ABHD16A: variants seen among roughly 807,000 people sequenced by gnomAD.
The protein encoded by ABHD16A is abhydrolase domain containing 16A, phospholipase, also known as phosphatidylserine lipase ABHD16A.
In ABHD16A, 47 loss-of-function variants were observed where a neutral mutation model predicts 89.8. The ratio of observed to expected loss-of-function variants is 0.52; its 90% CI spans 0.41 to 0.67. The LOEUF (loss-of-function observed/expected upper bound fraction) is 0.67. ABHD16A is among the 30% of genes least tolerant of loss of function. ABHD16A has a pLI of 0.00. For missense variants in ABHD16A, 580 were observed against 734.6 expected (o/e 0.79, Z 2.43); for synonymous variants, 251 against 280.4 (o/e 0.90, Z 1.05).
rs777024322 is a variant in ABHD16A, at chr6:31,689,131, G to A, written c.1082-12C>T. On this transcript the variant is annotated splice_polypyrimidine_tract_variant and intron_variant, in intron 12 of 19. Transcript: ENST00000395952. The stretch of plus-strand genomic sequence containing the variant: ...GGCTGCCCACGTGGCTGGTACCAGG[G>A]CAGGGAAGAAGAGTAAGAACTGAGA... 6 of 1,610,616 alleles carry A rather than the reference G, an allele frequency of 3.7e-6. No homozygotes were observed. Among genetic ancestry groups the A allele is most frequent in the African/African-American group, 1.3e-5 (1 of 74,786 alleles).
intron 4 of ABHD16A, among the ~76,000 whole-genome samples, chr6:31,697,462 C>A (rs186090629): frequency 0.012 from 1,795 of 152,288 alleles, 23 homozygotes; most frequent in Non-Finnish European, 0.018. Flanking sequence ...TATATTCTAG[C>A]CCCTTGCCAT....
At position 31,703,247 on chromosome 6, in the gene ABHD16A, C is replaced by CG. The variant is rs1232645257; in HGVS notation, c.34dup (p.Arg12ProfsTer12). 1.4e-6 allele frequency: 2 copies of CG among 1,423,964 alleles called. No homozygotes were observed. Among genetic ancestry groups the CG allele is most frequent in the African/African-American group, 1.5e-5 (1 of 67,496 alleles). 88.2% of individuals were successfully genotyped at this position (1,423,964 alleles called of 1,614,324 possible). On this transcript the variant is annotated frameshift_variant, in exon 1 of 20. Transcript: ENST00000395952. LOFTEE classifies it high-confidence loss of function. ...CCTCTCCCGGTAGATTTTGTAGAGC[C>CG]GGGGGCCTAGGACGCAGCTCAGCAG...
chr6:31,702,514 A>T, intron 1 of ABHD16A: 1 of 1,127,170 alleles, frequency 8.9e-7, no homozygotes. Flanking sequence ...AGAGTAGTTG[A>T]CTAAGAAGAG....
At position 31,688,409 on chromosome 6, in the gene ABHD16A, A is replaced by C. The variant is rs1035435264; in HGVS notation, c.1251-104T>G. On this transcript the variant is annotated intron_variant, in intron 14 of 19. Transcript: ENST00000395952. The surrounding 1 kb of genome is among the most constrained non-coding windows in gnomAD (Gnocchi z 4.9). ...GTAGCATTCTTACCCTCCCCTTGCT[A>C]TAGCACAGCCCTTGACCTAGCCCTT... 1 of 1,209,988 alleles carries C rather than the reference A, an allele frequency of 8.3e-7. No individual in the cohort carries two copies. Among genetic ancestry groups the C allele is most frequent in the African/African-American group, 1.5e-5 (1 of 66,742 alleles). The allele number at this position is 1,209,988 out of a possible 1,614,324, so 75.0% of individuals were successfully genotyped here.
In ABHD16A at chr6:31,697,012, G is replaced by C. The variant is rs749371040; in HGVS notation, c.365C>G (p.Pro122Arg). 6 of 1,613,086 alleles carry C rather than the reference G, an allele frequency of 3.7e-6. No homozygotes were observed. The highest frequency in any genetic ancestry group is 5.1e-6 in the Non-Finnish European group (6 of 1,180,014). The stretch of plus-strand genomic sequence containing the variant: ...GATGGTGATGAACTGCCGGTACTGG[G>C]GGTTGGTCCAGCGGCCAATGCCTGG... ...CLRGIGRWTN[P>R]QYRQFITILE... Residue 122 changes from proline (P) to arginine (R), a missense_variant, in exon 5 of 20, where the codon CCC (proline) becomes CGC (arginine). Pro to Arg is a moderately radical substitution (Grantham distance 103). This residue lies in a region of ABHD16A where 165 missense variants were observed against 165.8 expected (regional missense o/e 1.00). Coordinates refer to ENST00000395952, the MANE Select transcript of ABHD16A (RefSeq NM_021160.3).
At position 31,693,548 on chromosome 6, in the gene ABHD16A, C is replaced by A; in HGVS notation, c.430-116G>T. On this transcript the variant is annotated intron_variant, in intron 5 of 19. Coordinates refer to ENST00000395952, the MANE Select transcript of ABHD16A (RefSeq NM_021160.3). The surrounding 1 kb of genome is among the most constrained non-coding windows in gnomAD (Gnocchi z 5.0). ...TGATCCCCACACATCATGGGGAAAC[C>A]AAGCGGAGGTCAATACCCTCCCAAT... is the stretch of plus-strand genomic sequence containing the variant. 1 of 955,460 alleles carries A rather than the reference C, an allele frequency of 1.0e-6. No individual in the cohort carries two copies. The highest frequency in any genetic ancestry group is 2.1e-5 in the Admixed American group (1 of 47,404). The allele number at this position is 955,460 out of a possible 1,614,324, so 59.2% of individuals were successfully genotyped here.
intron 1 of ABHD16A, 22 bp from the exon 2 acceptor site, chr6:31,702,152 T>A (rs778891338): frequency 3.7e-6 from 6 of 1,612,608 alleles, no homozygotes; most frequent in Non-Finnish European, 4.2e-6. Flanking sequence ...GATGGCCTCC[T>A]TAAGGACCCT....
At chr6:31,689,792 C>A in intron 11 of ABHD16A, 88 bp from the exon 12 acceptor site, 3 of 1,516,194 alleles carry the variant, frequency 2.0e-6, no homozygotes, top group South Asian at 1.3e-5. Flanking sequence ...CCTGCAGCCA[C>A]CTATGACAGG....
intron 5 of ABHD16A, among the ~76,000 whole-genome samples, chr6:31,694,589 C>T (rs1375347678): frequency 2.0e-5 from 3 of 151,984 alleles, no homozygotes; most frequent in Non-Finnish European, 4.4e-5. Flanking sequence ...GATGGGGTTT[C>T]ACCATGTTAG....
chr6:31,689,698 G>A lies in ABHD16A; in HGVS notation c.964C>T (p.Pro322Ser), dbSNP rs1183486990. 2.5e-6 allele frequency: 4 copies of A among 1,609,540 alleles called. No homozygotes were observed. The South Asian group carries it at 4.4e-5, about 18-fold the overall frequency. The change falls in exon 12 of 20, where the codon CCA becomes TCA. Residue 322 changes from proline (P) to serine (S), a missense_variant. Pro to Ser is a moderately conservative substitution (Grantham distance 74). Coordinates refer to ENST00000395952, the MANE Select transcript of ABHD16A (RefSeq NM_021160.3). ...GCATTAGCCTCATTCTGCGGGAATG[G>A]CACCCCCTGCAGGAGAAAGGGCAAA... is the stretch of plus-strand genomic sequence containing the variant. Reference protein sequence around the residue: ...HPGFAGSTGVPFPQNEANAMD... With the variant: ...HPGFAGSTGVSFPQNEANAMD...
chr6:31,688,186 T>A lies in ABHD16A; in HGVS notation c.1307+63A>T, dbSNP rs917371008. On this transcript the variant is annotated intron_variant, in intron 15 of 19. Transcript: ENST00000395952. This position sits in a 1 kb window ranked among gnomAD's most constrained non-coding sequence, Gnocchi z 4.9. ...TACCCAGGTTTCTGGTGGGCAGAGG[T>A]AGAAGGGACAAGTTCCTGGCCATCT... is the stretch of plus-strand genomic sequence containing the variant. 13 of 1,606,758 alleles carry A rather than the reference T, an allele frequency of 8.1e-6. No homozygotes were observed. The South Asian group carries it at 1.3e-4, about 16-fold the overall frequency.
intron 12 of ABHD16A, 133 bp from the exon 13 acceptor site, chr6:31,689,252 T>A: frequency 1.2e-6 from 1 of 857,856 alleles, no homozygotes; most frequent in Non-Finnish European, 1.8e-6. Context: ...TTTCTTAACC[T>A]ACTTCACTTG....
At chr6:31,702,758 G>C (rs1436823140) in intron 1 of ABHD16A, 2 of 1,513,656 alleles carry the variant, frequency 1.3e-6, no homozygotes, top group Non-Finnish European at 1.8e-6. Flanking sequence ...AAACAGAGCC[G>C]GGGGAGGCAT....
At chr6:31,691,509 ATTGGGGTC>A in intron 9 of ABHD16A, 62 bp downstream of exon 9, 1 of 1,437,236 alleles carries the variant, frequency 7.0e-7, no homozygotes, top group Non-Finnish European at 9.7e-7. Context: ...GTGCTATAGC[ATTGGGGTC>A]CCCAGACCTC....
At chr6:31,697,783 C>T (rs867968248) in intron 4 of ABHD16A, among the ~76,000 whole-genome samples, 1 of 152,228 alleles carries the variant, frequency 6.6e-6, no homozygotes, top group African/African-American at 2.4e-5. Context: ...CAAACCCTAA[C>T]TTCTCTCCTC....
chr6:31,689,024 C>G lies in ABHD16A; in HGVS notation c.1177G>C (p.Asp393His). The G allele has an allele frequency of 6.2e-7, 1 of 1,613,496 alleles. No homozygotes were observed. Among genetic ancestry groups the G allele is most frequent in the Non-Finnish European group, 8.5e-7 (1 of 1,179,674 alleles). The change falls in exon 13 of 20, where the codon GAC (aspartate) becomes CAC (histidine). Residue 393 changes from aspartate to histidine, a missense_variant. Around this residue, in one of 2 missense-constraint regions of ABHD16A, gnomAD observed 415 missense variants for 568.8 expected, o/e 0.73. Coordinates refer to ENST00000395952, the MANE Select transcript of ABHD16A (RefSeq NM_021160.3). ...LVPLALKVMP[D>H]SWRGLVTRTV... ...TGGGAGCTGCACTCACTCCAGCTGT[C>G]TGGCATGACCTTCAAGGCCAAGGGC...
intron 4 of ABHD16A, 124 bp downstream of exon 4, chr6:31,700,818 C>G: frequency 5.3e-6 from 4 of 759,496 alleles, no homozygotes; most frequent in Non-Finnish European, 6.7e-6. Context: ...AAGATCATGC[C>G]TTAAACCATT....
At position 31,694,387 on chromosome 6, in the gene ABHD16A, C is replaced by CTTTTTTTTTTTTT. The variant is rs1190272819; in HGVS notation, c.430-968_430-956dup. ...TTTTTGACGGCAGTGGGAGCTGTGT[C>CTTTTTTTTTTTTT]TTTTTTTTTTTTTTTTTTTTTGAGA... On this transcript the variant is annotated intron_variant, in intron 5 of 19. Coordinates refer to ENST00000395952, the MANE Select transcript of ABHD16A (RefSeq NM_021160.3). Among the ~76,000 whole-genome samples, 28 of 77,706 alleles carry CTTTTTTTTTTTTT rather than the reference C, an allele frequency of 3.6e-4. 3 individuals are homozygous for CTTTTTTTTTTTTT. The highest frequency in any genetic ancestry group is 3.8e-4 in the African/African-American group (7 of 18,666). 51.0% of individuals were successfully genotyped at this position (77,706 alleles called of 152,430 possible).
At position 31,690,202 on chromosome 6, in the gene ABHD16A, C is replaced by G. The variant is rs1480972476; in HGVS notation, c.908-75G>C. The G allele has an allele frequency of 7.3e-7, 1 of 1,377,500 alleles. No individual in the cohort carries two copies. Among genetic ancestry groups the G allele is most frequent in the African/African-American group, 1.5e-5 (1 of 68,204 alleles). 85.3% of individuals were successfully genotyped at this position (1,377,500 alleles called of 1,614,324 possible). On this transcript the variant is annotated intron_variant, in intron 10 of 19. Transcript: ENST00000395952. This position sits in a 1 kb window ranked among gnomAD's most constrained non-coding sequence, Gnocchi z 4.1. ...TCTCCATCCCTGGGGGAAGGAAGAG[C>G]AGAAGTACCCCCCAGCTTAGATGCA... is the stretch of plus-strand genomic sequence containing the variant.
Sources: gnomAD v4.1 joint callset for allele counts (sites outside exome capture counted in the v4.1 genomes callset) on GRCh38, gnomAD v4.1.1 for gene constraint, gnomAD v4.1.1 regional missense constraint, Gnocchi (gnomAD v3.1) non-coding constraint, MANE v1.5 for transcripts, NCBI Gene and HGNC (gene_info 2026-07-23, HGNC 2026-07-21) for gene names.